The following APBB2 variants were observed in gnomAD, a reference collection of about 807,000 sequenced individuals.
APBB2 encodes Fe65-like 1.
Under a neutral mutation model 82.5 loss-of-function variants are expected in APBB2, and 38 were observed. That is an observed-to-expected ratio of 0.46 (90% CI 0.36 to 0.60). APBB2 has a LOEUF of 0.60. Ranked by LOEUF, APBB2 falls within the 20% of genes least tolerant of loss-of-function variation. The pLI is 0.00. For missense variants in APBB2, 772 were observed against 972.3 expected (o/e 0.79, Z 2.74); for synonymous variants, 341 against 368.2 (o/e 0.93, Z 0.85).
At chr4:40,893,172 C>A in intron 11 of APBB2, 93 bp downstream of exon 11, 5 of 1,454,500 alleles carry the variant, frequency 3.4e-6, no homozygotes, top group Non-Finnish European at 4.6e-6. Context: ...CACCTCGGAG[C>A]CCCTCAGTAC....
At chr4:40,821,253 T>C (rs943119188) in intron 17 of APBB2, among the ~76,000 whole-genome samples, 1 of 152,202 alleles carries the variant, frequency 6.6e-6, no homozygotes. Context: ...GAGGGATTCT[T>C]GTTTGTTTCC....
chr4:41,199,381 G>A (rs28488055), intron 1 of APBB2, among the ~76,000 whole-genome samples: 29,700 of 152,044 alleles, frequency 0.2, 3,898 homozygotes, highest in African/African-American at 0.37. Context: ...AACTTTCTTT[G>A]TCATAAAAAA....
intron 12 of APBB2, among the ~76,000 whole-genome samples, chr4:40,836,365 T>C (rs1357675577): frequency 6.6e-6 from 1 of 152,056 alleles, no homozygotes; most frequent in Non-Finnish European, 1.5e-5. Context: ...TAATCCCAGC[T>C]ACTTGGGAGG....
chr4:40,860,623 CTA>C (rs1190998774), intron 12 of APBB2, among the ~76,000 whole-genome samples: 1 of 152,130 alleles, frequency 6.6e-6, no homozygotes, highest in Non-Finnish European at 1.5e-5. Flanking sequence ...TCAGTGAGCT[CTA>C]TGAGTCCTTC....
At chr4:41,043,736 C>T (rs978232704) in intron 4 of APBB2, among the ~76,000 whole-genome samples, 3 of 142,610 alleles carry the variant, frequency 2.1e-5, no homozygotes, top group East Asian at 2.1e-4. Context: ...TTCTGTTACC[C>T]GAGTGTATAA....
At chr4:41,188,617 G>A (rs191541024) in intron 1 of APBB2, among the ~76,000 whole-genome samples, 6 of 152,292 alleles carry the variant, frequency 3.9e-5, no homozygotes, top group Admixed American at 1.3e-4. Flanking sequence ...CCAGCTTCCC[G>A]AACTGTGAGA....
intron 2 of APBB2, among the ~76,000 whole-genome samples, chr4:41,137,290 A>G (rs1757847425): frequency 6.6e-6 from 1 of 152,234 alleles, no homozygotes; most frequent in African/African-American, 2.4e-5. Flanking sequence ...AGTTATTGGG[A>G]ATGATTAAGA....
intron 1 of APBB2, among the ~76,000 whole-genome samples, chr4:41,194,857 T>C: frequency 6.6e-6 from 1 of 152,170 alleles, no homozygotes; most frequent in Non-Finnish European, 1.5e-5. Flanking sequence ...TTTTTTAATT[T>C]TTTCTTTTTT....
At chr4:40,940,174 G>A (rs1189696590) in intron 7 of APBB2, among the ~76,000 whole-genome samples, 1 of 152,138 alleles carries the variant, frequency 6.6e-6, no homozygotes, top group Non-Finnish European at 1.5e-5. Context: ...CACTACAATG[G>A]GACATGATAG....
At chr4:41,090,489 C>G (rs1285029843) in intron 3 of APBB2, among the ~76,000 whole-genome samples, 1 of 152,136 alleles carries the variant, frequency 6.6e-6, no homozygotes, top group Non-Finnish European at 1.5e-5. Flanking sequence ...TCAGCTACTG[C>G]TCATTTTTTC....
chr4:41,083,061 A>C (rs1248938420), intron 3 of APBB2, among the ~76,000 whole-genome samples: 1 of 152,154 alleles, frequency 6.6e-6, no homozygotes, highest in Non-Finnish European at 1.5e-5. Flanking sequence ...GCTACTCAGG[A>C]AGCTGAGGCA....
At chr4:41,151,540 G>T (rs6447663) in intron 1 of APBB2, among the ~76,000 whole-genome samples, 23 of 152,150 alleles carry the variant, frequency 1.5e-4, no homozygotes, top group African/African-American at 5.3e-4. Flanking sequence ...TATCCTTTAA[G>T]AAGTTTCTTA....
chr4:40,919,202 G>A (rs1278779315), intron 10 of APBB2, among the ~76,000 whole-genome samples: 3 of 152,196 alleles, frequency 2.0e-5, no homozygotes, highest in Admixed American at 1.3e-4. Context: ...TTCATTCTAC[G>A]TTAAGTAAAA....
At chr4:41,061,657 A>G (rs1729891352) in intron 4 of APBB2, among the ~76,000 whole-genome samples, 1 of 152,218 alleles carries the variant, frequency 6.6e-6, no homozygotes. Flanking sequence ...TTAAAACTGG[A>G]GTTTTAACAT....
At chr4:40,857,040 C>T in intron 12 of APBB2, 4 of 985,588 alleles carry the variant, frequency 4.1e-6, no homozygotes, top group Non-Finnish European at 4.8e-6. Flanking sequence ...GCCTCCCGGT[C>T]CTTCCGAAGT....
intron 6 of APBB2, among the ~76,000 whole-genome samples, chr4:40,976,141 T>A (rs997611095): frequency 3.3e-5 from 5 of 152,194 alleles, no homozygotes; most frequent in African/African-American, 9.6e-5. Context: ...TTGTTTCACA[T>A]AAAACCTTCA....
intron 6 of APBB2, among the ~76,000 whole-genome samples, chr4:40,984,772 A>C (rs1169997377): frequency 6.6e-6 from 1 of 152,198 alleles, no homozygotes; most frequent in Non-Finnish European, 1.5e-5. Context: ...AGTTTGCATA[A>C]AGAGGCTGAC....
intron 10 of APBB2, among the ~76,000 whole-genome samples, chr4:40,922,049 T>C (rs1403145155): frequency 6.6e-6 from 1 of 152,204 alleles, no homozygotes; most frequent in Non-Finnish European, 1.5e-5. Context: ...GGTAGGAATG[T>C]GTGGATTCAA....
intron 1 of APBB2, among the ~76,000 whole-genome samples, chr4:41,211,085 T>C (rs1207917299): frequency 6.6e-6 from 1 of 151,998 alleles, no homozygotes; most frequent in African/African-American, 2.4e-5. Context: ...TGAAACCCCA[T>C]TTCTACTAAA....
Sources: gnomAD v4.1 joint callset for allele counts (sites outside exome capture counted in the v4.1 genomes callset) on GRCh38, gnomAD v4.1.1 for gene constraint, MANE v1.5 for transcripts, NCBI Gene and HGNC (gene_info 2026-07-23, HGNC 2026-07-21) for gene names.